The following AKAP6 variants were observed in gnomAD, a reference collection of about 807,000 sequenced individuals.
The protein encoded by AKAP6 is A-kinase anchoring protein 6, also known as A-kinase anchor protein 6.
In AKAP6, 58 loss-of-function variants were observed where a neutral mutation model predicts 188.5. The ratio of observed to expected loss-of-function variants is 0.31; its 90% CI spans 0.25 to 0.38. AKAP6 has a LOEUF of 0.38. AKAP6 is among the 10% of genes least tolerant of loss of function. The pLI is 1.00. For synonymous variants in AKAP6, 989 were observed against 998.6 expected (o/e 0.99, Z 0.18); for missense variants, 2,710 against 2,740.0 (o/e 0.99, Z 0.24).
intron 2 of AKAP6, among the ~76,000 whole-genome samples, chr14:32,496,387 C>T (rs568388452): frequency 5.3e-5 from 8 of 152,146 alleles, no homozygotes; most frequent in Non-Finnish European, 1.2e-4. Context: ...GAAGTATACA[C>T]ACAGATGTAC....
intron 12 of AKAP6, among the ~76,000 whole-genome samples, chr14:32,792,502 C>CT (rs1284300089): frequency 1.3e-5 from 2 of 152,128 alleles, no homozygotes; most frequent in Non-Finnish European, 2.9e-5. Context: ...TGCTTATCAG[C>CT]TTAAGCAGTT....
intron 1 of AKAP6, among the ~76,000 whole-genome samples, chr14:32,362,940 A>C (rs1460762601): frequency 1.3e-5 from 2 of 152,162 alleles, no homozygotes; most frequent in Non-Finnish European, 2.9e-5. Context: ...GAGAGCCAGT[A>C]CTTCTGAGGT....
In AKAP6 at chr14:32,822,564, A is replaced by C. The variant is rs2034557134; in HGVS notation, c.4751A>C (p.Lys1584Thr). ...GGDLFGLGIF[K>T]NGSDSLQRST... Reference sequence around the variant, plus strand: ...GATTTATTTGGATTGGGCATCTTTAAAAATGGCAGTGACAGCCTCCAGCGA... The same window carrying C: ...GATTTATTTGGATTGGGCATCTTTACAAATGGCAGTGACAGCCTCCAGCGA... Residue 1584 changes from lysine (K) to threonine (T), a missense_variant, in exon 13 of 14, where the codon AAA becomes ACA. Around this residue, in one of 2 missense-constraint regions of AKAP6, gnomAD observed 2,473 missense variants for 2,426.1 expected, o/e 1.02. Coordinates refer to ENST00000280979, the MANE Select transcript of AKAP6 (RefSeq NM_004274.5). The C allele has an allele frequency of 6.2e-7, 1 of 1,613,854 alleles. No individual in the cohort carries two copies. Among genetic ancestry groups the C allele is most frequent in the Non-Finnish European group, 8.5e-7 (1 of 1,179,956 alleles).
chr14:32,781,683 G>A (rs989739577), intron 12 of AKAP6, among the ~76,000 whole-genome samples: 2 of 152,092 alleles, frequency 1.3e-5, no homozygotes, highest in Admixed American at 6.5e-5. Flanking sequence ...CAAATAAAAA[G>A]TATATAAAAT....
At chr14:32,732,716 A>G (rs1458701510) in intron 10 of AKAP6, 116 bp downstream of exon 10, 3 of 1,188,416 alleles carry the variant, frequency 2.5e-6, no homozygotes, top group African/African-American at 1.5e-5. Context: ...TTCACTACCT[A>G]CGTTTCAAAC....
At chr14:32,555,409 G>T (rs1283102743) in intron 4 of AKAP6, among the ~76,000 whole-genome samples, 1 of 152,162 alleles carries the variant, frequency 6.6e-6, no homozygotes, top group Non-Finnish European at 1.5e-5. Flanking sequence ...GATGATAGCA[G>T]CCATTAAGAA....
chr14:32,655,608 C>T (rs992340985), intron 7 of AKAP6, among the ~76,000 whole-genome samples: 1 of 152,048 alleles, frequency 6.6e-6, no homozygotes, highest in Admixed American at 6.6e-5. Flanking sequence ...AAGAGTTGTT[C>T]GTGTTGGCCC....
At chr14:32,529,987 T>TGG (rs1882328046) in intron 2 of AKAP6, among the ~76,000 whole-genome samples, 1 of 110,974 alleles carries the variant, frequency 9.0e-6, no homozygotes, top group Non-Finnish European at 1.8e-5. Context: ...TTTTTTTTTT[T>TGG]TGGAGACAGG....
chr14:32,390,880 A>C (rs1232722655), intron 1 of AKAP6, among the ~76,000 whole-genome samples: 1 of 152,100 alleles, frequency 6.6e-6, no homozygotes, highest in Non-Finnish European at 1.5e-5. Context: ...TGCTCTGTCC[A>C]TCCAAGTCAG....
At chr14:32,650,469 C>T (rs753669431) in intron 7 of AKAP6, among the ~76,000 whole-genome samples, 2 of 151,878 alleles carry the variant, frequency 1.3e-5, no homozygotes, top group Non-Finnish European at 2.9e-5. Flanking sequence ...AAAAATTAGT[C>T]GGGTGTGGTG....
At chr14:32,694,726 C>T (rs1890331230) in intron 8 of AKAP6, among the ~76,000 whole-genome samples, 1 of 139,762 alleles carries the variant, frequency 7.2e-6, no homozygotes, top group Non-Finnish European at 1.6e-5. Flanking sequence ...TCTATTCCCC[C>T]CCACCCCATC....
chr14:32,560,126 G>C (rs1419097969), intron 4 of AKAP6, among the ~76,000 whole-genome samples: 1 of 152,122 alleles, frequency 6.6e-6, no homozygotes, highest in African/African-American at 2.4e-5. Context: ...AAGATACACA[G>C]TAGATGAATG....
In AKAP6 at chr14:32,823,310, A is replaced by C; in HGVS notation, c.5497A>C (p.Ser1833Arg). 1 of 1,613,928 alleles carries C rather than the reference A, an allele frequency of 6.2e-7. No homozygotes were observed. Among genetic ancestry groups the C allele is most frequent in the Non-Finnish European group, 8.5e-7 (1 of 1,179,920 alleles). ...DEMKGSKDIS[S>R]SEMTNPSDTL... is the part of the protein sequence containing the mutation. ...GATGAAGGGCAGTAAAGATATAAGTAGCAGTGAGATGACCAATCCCTCTGA... is the reference window on the plus strand; with the variant it reads ...GATGAAGGGCAGTAAAGATATAAGTCGCAGTGAGATGACCAATCCCTCTGA... Residue 1833 changes from serine (S) to arginine (R), a missense_variant, in exon 13 of 14, where the codon AGC (serine) becomes CGC (arginine). Around this residue, in one of 2 missense-constraint regions of AKAP6, gnomAD observed 2,473 missense variants for 2,426.1 expected, o/e 1.02. Transcript: ENST00000280979.
intron 7 of AKAP6, among the ~76,000 whole-genome samples, chr14:32,634,143 C>T (rs1887391583): frequency 6.6e-6 from 1 of 152,066 alleles, no homozygotes; most frequent in Non-Finnish European, 1.5e-5. Flanking sequence ...GGACTGAACC[C>T]AGGTCCCAGT....
chr14:32,494,422 ATTTCT>A (rs1295216359), intron 2 of AKAP6: 1 of 151,968 alleles, frequency 6.6e-6, no homozygotes, highest in Non-Finnish European at 1.5e-5. Context: ...TTTTTTGCTA[ATTTCT>A]TTTCTTTTCT....
chr14:32,757,266 A>G (rs1205353630), intron 11 of AKAP6, among the ~76,000 whole-genome samples: 1 of 152,154 alleles, frequency 6.6e-6, no homozygotes, highest in Non-Finnish European at 1.5e-5. Context: ...TAGTTGTTCA[A>G]ATTGATGTGT....
chr14:32,487,187 A>C lies in AKAP6; in HGVS notation c.325-48367A>C, dbSNP rs116204241. Among the ~76,000 whole-genome samples, 1,467 of 152,348 alleles carry C rather than the reference A, an allele frequency of 9.6e-3. 25 individuals carry two copies. Among genetic ancestry groups the C allele is most frequent in the African/African-American group, 0.033 (1,367 of 41,576 alleles). ...AAAGCTGACTTGATCATGGTGGATA[A>C]GTGTTTTAATGTACTGCTGGATTTG... On this transcript the variant is annotated intron_variant, in intron 2 of 13. Coordinates refer to ENST00000280979, the MANE Select transcript of AKAP6 (RefSeq NM_004274.5).
chr14:32,372,863 G>A (rs1347535965), intron 1 of AKAP6, among the ~76,000 whole-genome samples: 2 of 151,682 alleles, frequency 1.3e-5, no homozygotes. Context: ...AAGAGAGCGA[G>A]CGAGCATTAT....
chr14:32,574,388 C>T (rs916975681), intron 4 of AKAP6, among the ~76,000 whole-genome samples: 2 of 152,130 alleles, frequency 1.3e-5, no homozygotes, highest in Admixed American at 6.6e-5. Flanking sequence ...AATGTTCACC[C>T]AGGACCAATG....
Sources: allele counts gnomAD v4.1 joint callset (sites outside exome capture counted in the v4.1 genomes callset), GRCh38; gene constraint gnomAD v4.1.1; regional missense constraint gnomAD v4.1.1; transcripts MANE v1.5; gene names NCBI Gene and HGNC (gene_info 2026-07-23, HGNC 2026-07-21).